The following LRRC4C variants were observed in gnomAD, a reference collection of about 807,000 sequenced individuals.
LRRC4C encodes the protein leucine-rich repeat-containing protein 4C.
Under a neutral mutation model 33.6 loss-of-function variants are expected in LRRC4C, and 5 were observed. The ratio of observed to expected loss-of-function variants is 0.15; its 90% CI spans 0.08 to 0.31. The LOEUF is 0.31. LRRC4C is among the 10% of genes least tolerant of loss of function. LRRC4C has a pLI of 1.00. For missense variants in LRRC4C, 560 were observed against 796.7 expected, an observed-to-expected ratio of 0.70 and a Z score of 3.58; for synonymous variants, 329 against 302.0, an observed-to-expected ratio of 1.09 and a Z score of -0.93.
chr11:40,274,864 A>G (rs1325547178), intron 4 of LRRC4C, among the ~76,000 whole-genome samples: 1 of 152,142 alleles, frequency 6.6e-6, no homozygotes, highest in East Asian at 1.9e-4. Flanking sequence ...AACAGCCATT[A>G]CAAAGGTGCT....
chr11:41,043,126 T>C (rs1362328808), intron 1 of LRRC4C, among the ~76,000 whole-genome samples: 1 of 148,520 alleles, frequency 6.7e-6, no homozygotes, highest in Non-Finnish European at 1.5e-5. Flanking sequence ...TCAGAGTATT[T>C]GATTTGATGA....
chr11:40,224,819 A>G (rs1234256592), intron 5 of LRRC4C, among the ~76,000 whole-genome samples: 1 of 152,174 alleles, frequency 6.6e-6, no homozygotes, highest in East Asian at 1.9e-4. Context: ...ATATCCATTT[A>G]TTTACTTTAA....
intron 3 of LRRC4C, among the ~76,000 whole-genome samples, chr11:40,523,592 TATGTAATCTATTATATATAATAGA>T (rs1590996185): frequency 6.9e-6 from 1 of 144,654 alleles, no homozygotes; most frequent in Non-Finnish European, 1.5e-5. Context: ...TTATATATAA[TATGTAATCTATTATATATAATAGA>T]GTATTCTATT....
chr11:41,140,374 G>A (rs1450946660), intron 1 of LRRC4C, among the ~76,000 whole-genome samples: 1 of 152,142 alleles, frequency 6.6e-6, no homozygotes, highest in Non-Finnish European at 1.5e-5. Context: ...GGACCCTTGG[G>A]ATTCCCATGT....
intron 2 of LRRC4C, among the ~76,000 whole-genome samples, chr11:40,847,243 T>C (rs1953227178): frequency 6.6e-6 from 1 of 152,222 alleles, no homozygotes; most frequent in Admixed American, 6.5e-5. Flanking sequence ...AAGGGAATGA[T>C]TCAGCTTTTG....
At chr11:40,401,713 T>G (rs1949766972) in intron 3 of LRRC4C, among the ~76,000 whole-genome samples, 1 of 152,122 alleles carries the variant, frequency 6.6e-6, no homozygotes, top group African/African-American at 2.4e-5. Flanking sequence ...ATGTGCACAT[T>G]TTCTGGCAGG....
At chr11:40,929,449 A>G (rs1321347852) in intron 2 of LRRC4C, among the ~76,000 whole-genome samples, 4 of 152,174 alleles carry the variant, frequency 2.6e-5, no homozygotes, top group Non-Finnish European at 5.9e-5. Flanking sequence ...ATATCAGTCA[A>G]CTAACCTCTA....
intron 2 of LRRC4C, among the ~76,000 whole-genome samples, chr11:40,707,398 T>C (rs1035628700): frequency 2.6e-5 from 4 of 152,234 alleles, no homozygotes; most frequent in African/African-American, 9.6e-5. Context: ...ATACCTAGTT[T>C]ATTGACAGTC....
intron 1 of LRRC4C, among the ~76,000 whole-genome samples, chr11:41,147,582 T>G (rs1216963593): frequency 1.3e-5 from 2 of 152,192 alleles, no homozygotes; most frequent in Non-Finnish European, 2.9e-5. Context: ...ATTGACAAAT[T>G]ATAATTGTAT....
chr11:40,201,631 G>C (rs1862760727), intron 5 of LRRC4C, among the ~76,000 whole-genome samples: 1 of 152,128 alleles, frequency 6.6e-6, no homozygotes, highest in Non-Finnish European at 1.5e-5. Context: ...TGGAAGCGCA[G>C]ATGTAAGAAT....
At chr11:40,522,602 C>A (rs1955866869) in intron 3 of LRRC4C, among the ~76,000 whole-genome samples, 2 of 151,850 alleles carry the variant, frequency 1.3e-5, no homozygotes, top group Admixed American at 1.3e-4. Flanking sequence ...GCTAAGATAA[C>A]TGAAGAAGTA....
intron 3 of LRRC4C, among the ~76,000 whole-genome samples, chr11:40,616,662 A>G (rs988609775): frequency 2.6e-5 from 4 of 151,856 alleles, no homozygotes; most frequent in Admixed American, 6.6e-5. Flanking sequence ...TCGCAAGGAC[A>G]AAAAACCAAA....
intron 5 of LRRC4C, among the ~76,000 whole-genome samples, chr11:40,214,872 T>C (rs1458843743): frequency 1.3e-5 from 2 of 152,200 alleles, no homozygotes; most frequent in Non-Finnish European, 1.5e-5. Flanking sequence ...CTAGTCATTG[T>C]GTCCAAAAAT....
chr11:40,819,044 A>T (rs1017541573), intron 2 of LRRC4C, among the ~76,000 whole-genome samples: 1 of 152,016 alleles, frequency 6.6e-6, no homozygotes, highest in Non-Finnish European at 1.5e-5. Flanking sequence ...TTCATTTCCT[A>T]TGAAACTTTT....
rs1956270910 is a variant in LRRC4C at position 41,459,516 on chromosome 11, T to C, written c.-581A>G. ...ACTACTCTATTTTCTTTTCTTCTTT[T>C]TATTTTTTTTTAAGTCATATCGGAG... On this transcript the variant is annotated 5_prime_UTR_variant, in exon 1 of 7. Coordinates refer to ENST00000528697, the MANE Select transcript of LRRC4C (RefSeq NM_001258419.2). 1 of 151,328 alleles carries C rather than the reference T, an allele frequency of 6.6e-6. No individual in the cohort carries two copies. The highest frequency in any genetic ancestry group is 1.5e-5 in the Non-Finnish European group (1 of 68,026). The allele number at this position is 151,328 out of a possible 1,614,324, so 9.4% of individuals were successfully genotyped here.
At chr11:40,495,294 C>T (rs920865592) in intron 3 of LRRC4C, among the ~76,000 whole-genome samples, 4 of 152,056 alleles carry the variant, frequency 2.6e-5, no homozygotes, top group African/African-American at 7.2e-5. Context: ...CCTCTCCGCC[C>T]CCCCCGCCAG....
intron 1 of LRRC4C, among the ~76,000 whole-genome samples, chr11:41,071,309 A>C (rs1251001297): frequency 6.6e-6 from 1 of 152,062 alleles, no homozygotes; most frequent in Non-Finnish European, 1.5e-5. Context: ...TACAGAGCTT[A>C]AAATCTAGAT....
intron 1 of LRRC4C, among the ~76,000 whole-genome samples, chr11:40,943,700 G>C (rs150171337): frequency 1.3e-5 from 2 of 152,100 alleles, no homozygotes; most frequent in Non-Finnish European, 2.9e-5. Context: ...TGTCTCCAAG[G>C]CTATCTCTCC....
chr11:40,345,225 G>A (rs1056816222), intron 3 of LRRC4C, among the ~76,000 whole-genome samples: 1 of 152,038 alleles, frequency 6.6e-6, no homozygotes, highest in African/African-American at 2.4e-5. Context: ...AACCAGAAAA[G>A]ATCCCAAATA....
Sources: allele counts gnomAD v4.1 joint callset (sites outside exome capture counted in the v4.1 genomes callset), GRCh38; gene constraint gnomAD v4.1.1; transcripts MANE v1.5; gene names NCBI Gene and HGNC (gene_info 2026-07-23, HGNC 2026-07-21).